The following MCF2L2 variants were observed in gnomAD, a reference collection of about 807,000 sequenced individuals.
MCF2L2 encodes the protein MCF.2 cell line derived transforming sequence-like 2.
A neutral mutation model predicts 150.2 loss-of-function variants in MCF2L2; 102 were observed. The ratio of observed to expected loss-of-function variants is 0.68; its 90% CI spans 0.58 to 0.80. The LOEUF is 0.80. MCF2L2 is among the 30% of genes least tolerant of loss of function. MCF2L2 has a pLI of 0.00. For synonymous variants in MCF2L2, 465 were observed against 491.3 expected, an observed-to-expected ratio of 0.95 and a Z score of 0.71; for missense variants, 1,256 against 1,372.8, an observed-to-expected ratio of 0.91 and a Z score of 1.34.
intron 3 of MCF2L2, among the ~76,000 whole-genome samples, chr3:183,355,835 G>C (rs1479088488): frequency 6.6e-6 from 1 of 152,040 alleles, no homozygotes; most frequent in Non-Finnish European, 1.5e-5. Flanking sequence ...TTCAAGTCAT[G>C]AAGCTAGGGG....
intron 1 of MCF2L2, among the ~76,000 whole-genome samples, chr3:183,419,539 G>A (rs1430560958): frequency 6.6e-6 from 1 of 152,030 alleles, no homozygotes; most frequent in Non-Finnish European, 1.5e-5. Flanking sequence ...CCATCTCTTT[G>A]TGAATGCATA....
At chr3:183,294,917 C>T (rs574699055) in intron 13 of MCF2L2, among the ~76,000 whole-genome samples, 3 of 152,230 alleles carry the variant, frequency 2.0e-5, no homozygotes, top group East Asian at 1.9e-4. Context: ...CGTGAGCCAC[C>T]GCGCCCAGCC....
chr3:183,352,162 C>T (rs1312648149), intron 3 of MCF2L2, among the ~76,000 whole-genome samples: 1 of 152,152 alleles, frequency 6.6e-6, no homozygotes, highest in Non-Finnish European at 1.5e-5. Context: ...TTCTTCAATG[C>T]CTCATCCTGA....
At chr3:183,256,793 CTG>C (rs1725080946) in intron 15 of MCF2L2, among the ~76,000 whole-genome samples, 1 of 152,064 alleles carries the variant, frequency 6.6e-6, no homozygotes, top group Admixed American at 6.5e-5. Context: ...AATCTTATAC[CTG>C]TGTCATCCTA....
Position 183,318,108 on chromosome 3 carries a change from T to A in MCF2L2, c.713A>T (p.Asp238Val), listed in dbSNP as rs770965711. 7 of 1,613,974 alleles carry A rather than the reference T, an allele frequency of 4.3e-6. No individual in the cohort carries two copies. ...ELPRSMLSTE[D>V]LLMSHTRQRD... The stretch of plus-strand genomic sequence containing the variant: ...CTGCCTTGTGTGGGACATGAGAAGG[T>A]CTTCCGTGGATAGCATGCTTCTGGG... Residue 238 changes from aspartate (D) to valine (V), a missense_variant, in exon 7 of 30, where the codon GAC becomes GTC. Coordinates refer to ENST00000328913, the MANE Select transcript of MCF2L2 (RefSeq NM_015078.4).
At chr3:183,351,201 T>G (rs1264783383) in intron 3 of MCF2L2, among the ~76,000 whole-genome samples, 11 of 64,256 alleles carry the variant, frequency 1.7e-4, no homozygotes, top group Non-Finnish European at 3.0e-4. Flanking sequence ...TATATATATA[T>G]ATATATATAT....
intron 5 of MCF2L2, among the ~76,000 whole-genome samples, chr3:183,324,687 C>T (rs944774854): frequency 6.6e-6 from 1 of 151,812 alleles, no homozygotes; most frequent in African/African-American, 2.4e-5. Flanking sequence ...GAGCTGTGAT[C>T]GCATCACTGC....
At chr3:183,354,693 T>C (rs1380000222) in intron 3 of MCF2L2, among the ~76,000 whole-genome samples, 1 of 152,212 alleles carries the variant, frequency 6.6e-6, no homozygotes, top group Non-Finnish European at 1.5e-5. Flanking sequence ...TTGATTGTTG[T>C]TTGCCTGTAA....
chr3:183,272,551 G>A (rs1483541910), intron 15 of MCF2L2: 3 of 991,856 alleles, frequency 3.0e-6, no homozygotes, highest in Middle Eastern at 5.2e-4. Context: ...TTTGAGGCTT[G>A]TTTACATTGC....
chr3:183,231,934 C>T (rs376366437), intron 15 of MCF2L2, among the ~76,000 whole-genome samples: 14 of 152,294 alleles, frequency 9.2e-5, no homozygotes, highest in African/African-American at 2.9e-4. Context: ...GAATTTAAGA[C>T]GGTCCCCAAG....
At chr3:183,286,484 T>G (rs1727804266) in intron 14 of MCF2L2, among the ~76,000 whole-genome samples, 1 of 152,234 alleles carries the variant, frequency 6.6e-6, no homozygotes, top group Non-Finnish European at 1.5e-5. Context: ...TTGATGTTAG[T>G]CAATTGATTT....
chr3:183,329,210 T>C (rs1306699077), intron 5 of MCF2L2, among the ~76,000 whole-genome samples: 1 of 152,240 alleles, frequency 6.6e-6, no homozygotes, highest in African/African-American at 2.4e-5. Context: ...TCTTTTTTTT[T>C]CTTTGAGACA....
intron 1 of MCF2L2, among the ~76,000 whole-genome samples, chr3:183,402,218 C>T (rs1181537574): frequency 6.6e-6 from 1 of 150,750 alleles, no homozygotes; most frequent in East Asian, 2.0e-4. Context: ...CCGAGGCAGG[C>T]AGATCACGAG....
At chr3:183,243,567 A>G (rs554170958) in intron 15 of MCF2L2, among the ~76,000 whole-genome samples, 2 of 152,322 alleles carry the variant, frequency 1.3e-5, no homozygotes, top group Admixed American at 1.3e-4. Context: ...TAGAATCCCT[A>G]AGTTCATGGT....
intron 21 of MCF2L2, 46 bp downstream of exon 21, chr3:183,219,810 C>T: frequency 3.9e-6 from 5 of 1,285,150 alleles, no homozygotes; most frequent in Non-Finnish European, 5.6e-6. Flanking sequence ...TAGACAAACA[C>T]CATTAATAGT....
At chr3:183,310,636 C>T (rs969662287) in intron 9 of MCF2L2, 5 of 343,708 alleles carry the variant, frequency 1.5e-5, no homozygotes, top group East Asian at 1.4e-4. Context: ...GCACTCCGGC[C>T]GGAGTGACAG....
At chr3:183,418,867 G>A (rs188835471) in intron 1 of MCF2L2, among the ~76,000 whole-genome samples, 5 of 152,316 alleles carry the variant, frequency 3.3e-5, no homozygotes, top group South Asian at 2.1e-4. Flanking sequence ...AGTGCAAGCT[G>A]TCGGTGGATC....
Position 183,300,158 on chromosome 3 carries a change from C to T in MCF2L2, c.1152G>A (p.Gly384=). 6.2e-7 allele frequency: 1 copy of T among 1,611,440 alleles called. No individual in the cohort carries two copies. The highest frequency in any genetic ancestry group is 1.1e-5 in the South Asian group (1 of 90,552). Reference sequence around the variant, plus strand: ...AATGGTGGCTTTGGATGAGCTGGTCCCCAACCAGTGCCAGCAGCTGGGCCT... The same window carrying T: ...AATGGTGGCTTTGGATGAGCTGGTCTCCAACCAGTGCCAGCAGCTGGGCCT... ...LEKAQLLALV[G]DQLIQSHHYA... Residue 384 remains glycine, a synonymous_variant, in exon 11 of 30, where the codon GGG becomes GGA. Coordinates refer to ENST00000328913, the MANE Select transcript of MCF2L2 (RefSeq NM_015078.4).
rs1195733299 is a variant in MCF2L2, at chr3:183,219,941, G to C, written c.2302-17C>G. The C allele has an allele frequency of 6.3e-7, 1 of 1,595,668 alleles. No individual in the cohort carries two copies. The highest frequency in any genetic ancestry group is 8.6e-7 in the Non-Finnish European group (1 of 1,165,792). ...CAGCAGACCCTGCATTAACCCAAAA[G>C]TCTTGTTGAAAATTAAAATGTACAT... On this transcript the variant is annotated splice_polypyrimidine_tract_variant and intron_variant, in intron 20 of 29. Transcript: ENST00000328913.
Sources: allele counts gnomAD v4.1 joint callset (sites outside exome capture counted in the v4.1 genomes callset), GRCh38; gene constraint gnomAD v4.1.1; transcripts MANE v1.5; gene names NCBI Gene and HGNC (gene_info 2026-07-23, HGNC 2026-07-21).